The following GPHN variants were observed in gnomAD, a reference collection of about 807,000 sequenced individuals.
The protein encoded by GPHN is gephyrin.
In GPHN, 17 loss-of-function variants were observed where a neutral mutation model predicts 95.5. The observed-to-expected ratio is 0.18, with a 90% CI of 0.12 to 0.27. The LOEUF is 0.27. GPHN is among the 10% of genes least tolerant of loss of function. The pLI, the probability that GPHN is intolerant of heterozygous loss-of-function variation, is 1.00. For synonymous variants in GPHN, 320 were observed against 322.5 expected (o/e 0.99, Z 0.08); for missense variants, 660 against 978.1 (o/e 0.67, Z 4.34).
At chr14:67,571,630 TTCAGA>T in the GPHN span, 1 of 916,656 alleles carries the variant, frequency 1.1e-6, no homozygotes, top group East Asian at 2.5e-5. Flanking sequence ...CAGTTGTCTG[TTCAGA>T]GTCCCGGCTG....
the GPHN span, among the ~76,000 whole-genome samples, chr14:67,623,175 CTG>C: frequency 6.6e-6 from 1 of 152,192 alleles, no homozygotes; most frequent in Non-Finnish European, 1.5e-5. Flanking sequence ...TTAAATAAAA[CTG>C]TGGCTCTCAG....
At chr14:67,352,821 A>G in the GPHN span, 3 of 752,004 alleles carry the variant, frequency 4.0e-6, no homozygotes, top group Non-Finnish European at 2.1e-6. Context: ...TTACTTTTGA[A>G]AGAAAAAAAT....
At chr14:67,064,085 T>G (rs1594994064) in intron 11 of GPHN, among the ~76,000 whole-genome samples, 1 of 152,312 alleles carries the variant, frequency 6.6e-6, no homozygotes, top group East Asian at 1.9e-4. Context: ...TAAATAGCTC[T>G]TATTATTTTG....
chr14:67,150,949 A>G (rs1208078947), intron 18 of GPHN, among the ~76,000 whole-genome samples: 1 of 152,190 alleles, frequency 6.6e-6, no homozygotes, highest in East Asian at 1.9e-4. Context: ...TCAAAATTAT[A>G]AGTAGAATAT....
At chr14:67,164,100 C>T (rs2082124921) in intron 19 of GPHN, among the ~76,000 whole-genome samples, 1 of 151,730 alleles carries the variant, frequency 6.6e-6, no homozygotes, top group Non-Finnish European at 1.5e-5. Flanking sequence ...GAAACCCTGT[C>T]TCCACTAAAA....
intron 5 of GPHN, among the ~76,000 whole-genome samples, chr14:66,892,471 A>G (rs573099082): frequency 1.3e-5 from 2 of 152,196 alleles, no homozygotes; most frequent in Non-Finnish European, 2.9e-5. Context: ...GCCAATATTC[A>G]TAACATCATT....
At chr14:66,540,322 C>T (rs914721013) in intron 1 of GPHN, among the ~76,000 whole-genome samples, 1 of 152,132 alleles carries the variant, frequency 6.6e-6, no homozygotes, top group Non-Finnish European at 1.5e-5. Context: ...CAAAGCAAAC[C>T]AGTGGCCAAG....
chr14:67,071,990 G>A (rs1244634544), intron 11 of GPHN, among the ~76,000 whole-genome samples: 1 of 151,880 alleles, frequency 6.6e-6, no homozygotes, highest in Non-Finnish European at 1.5e-5. Context: ...TTAAAATAAG[G>A]TACAGTCTTT....
chr14:67,476,258 A>C, the GPHN span, among the ~76,000 whole-genome samples: 1 of 152,224 alleles, frequency 6.6e-6, no homozygotes, highest in African/African-American at 2.4e-5. Context: ...TGGTCTTCCA[A>C]GCACTTCGTT....
the GPHN span, among the ~76,000 whole-genome samples, chr14:67,653,681 A>T: frequency 6.6e-6 from 1 of 152,192 alleles, no homozygotes; most frequent in Non-Finnish European, 1.5e-5. Context: ...ATATTTTAGT[A>T]CTCATCAAGT....
At chr14:67,476,992 G>C in the GPHN span, among the ~76,000 whole-genome samples, 144 of 152,144 alleles carry the variant, frequency 9.5e-4, 1 homozygote, top group Non-Finnish European at 1.8e-3. Flanking sequence ...TGGATGGGTA[G>C]GTATTAATGT....
the GPHN span, chr14:67,592,167 G>A: frequency 4.9e-6 from 1 of 205,896 alleles, no homozygotes; most frequent in Non-Finnish European, 1.0e-5. Flanking sequence ...AGGTATGCTG[G>A]CTCATGCTTG....
At chr14:66,552,755 T>G (rs540180855) in intron 1 of GPHN, among the ~76,000 whole-genome samples, 38 of 152,294 alleles carry the variant, frequency 2.5e-4, no homozygotes, top group South Asian at 8.3e-4. Flanking sequence ...ATTTTACTGT[T>G]TTCTGACTTC....
At chr14:66,920,240 T>C (rs1353303745) in intron 6 of GPHN, among the ~76,000 whole-genome samples, 3 of 152,214 alleles carry the variant, frequency 2.0e-5, no homozygotes, top group Non-Finnish European at 4.4e-5. Flanking sequence ...ATTTAAGAGT[T>C]GTAGAAATAA....
At chr14:66,623,170 A>G (rs1304887199) in intron 1 of GPHN, among the ~76,000 whole-genome samples, 1 of 152,184 alleles carries the variant, frequency 6.6e-6, no homozygotes, top group Non-Finnish European at 1.5e-5. Context: ...CTTATATGGC[A>G]GTGGACAAAG....
At chr14:67,131,493 A>G (rs1237358017) in intron 17 of GPHN, among the ~76,000 whole-genome samples, 3 of 152,158 alleles carry the variant, frequency 2.0e-5, no homozygotes, top group Non-Finnish European at 4.4e-5. Flanking sequence ...AGAATCTTAC[A>G]GGGCCCCTTC....
chr14:67,276,263 T>C, the GPHN span, among the ~76,000 whole-genome samples: 33 of 152,224 alleles, frequency 2.2e-4, no homozygotes, highest in African/African-American at 8.0e-4. Context: ...TCATTATTCA[T>C]GTACAGCATG....
chr14:67,023,971 T>G (rs1172057747), intron 10 of GPHN, among the ~76,000 whole-genome samples: 1 of 152,078 alleles, frequency 6.6e-6, no homozygotes, highest in Non-Finnish European at 1.5e-5. Flanking sequence ...AAAAGTTATT[T>G]GAAAACAAAC....
At chr14:67,270,779 G>A in the GPHN span, 21 of 152,190 alleles carry the variant, frequency 1.4e-4, no homozygotes, top group South Asian at 1.5e-3. Context: ...AGAACTTTAG[G>A]ATCTTTCATT....
Sources: gnomAD v4.1 joint callset for allele counts (sites outside exome capture counted in the v4.1 genomes callset) on GRCh38, gnomAD v4.1.1 for gene constraint, MANE v1.5 for transcripts, NCBI Gene and HGNC (gene_info 2026-07-23, HGNC 2026-07-21) for gene names.